TRIM33: variants seen among roughly 807,000 people sequenced by gnomAD.
TRIM33 encodes the protein tripartite motif containing 33.
A neutral mutation model predicts 125.4 loss-of-function variants in TRIM33; 20 were observed. The observed-to-expected ratio is 0.16, with a 90% CI of 0.11 to 0.23. The LOEUF (loss-of-function observed/expected upper bound fraction) is 0.23, where lower values mean the gene tolerates loss of function less well. TRIM33 is among the 10% of genes least tolerant of loss of function. The pLI is 1.00. For synonymous variants in TRIM33, 564 were observed against 513.9 expected (o/e 1.10, Z -1.32); for missense variants, 920 against 1,411.4 (o/e 0.65, Z 5.58).
chr1:114,436,288 G>A (rs1572053171), intron 4 of TRIM33, among the ~76,000 whole-genome samples: 1 of 150,180 alleles, frequency 6.7e-6, no homozygotes, highest in African/African-American at 2.5e-5. Flanking sequence ...TGTAGTCCCA[G>A]CTAGTTGAGA....
intron 1 of TRIM33, among the ~76,000 whole-genome samples, chr1:114,475,900 G>A (rs953863497): frequency 1.3e-5 from 2 of 152,016 alleles, no homozygotes; most frequent in Admixed American, 1.3e-4. Context: ...CTACATGCAA[G>A]GCTGAGGCAG....
chr1:114,501,687 C>A (rs1652729205), intron 1 of TRIM33, among the ~76,000 whole-genome samples: 1 of 152,144 alleles, frequency 6.6e-6, no homozygotes, highest in African/African-American at 2.4e-5. Flanking sequence ...AAATCTTCAA[C>A]CTACATCATC....
Position 114,488,349 on chromosome 1 carries a change from A to T in TRIM33, c.526+22202T>A, listed in dbSNP as rs555059391. ...ACCTTAAATATACCTACATACCTTA[A>T]ATACTCCTAAACACATGAACTAAAT... is the stretch of plus-strand genomic sequence containing the variant. On this transcript the variant is annotated intron_variant, in intron 1 of 19. Transcript: ENST00000358465. 2.6e-5 allele frequency among the ~76,000 whole-genome samples: 4 copies of T among 152,302 alleles called. No individual in the cohort carries two copies. The East Asian group carries it at 7.7e-4, about 29-fold the overall frequency.
rs577669414 is a variant in TRIM33 at position 114,472,919 on chromosome 1, CT to C, written c.527-8532del. Among the ~76,000 whole-genome samples, 3 of 151,730 alleles carry C rather than the reference CT, an allele frequency of 2.0e-5. No homozygotes were observed. The East Asian group carries it at 5.8e-4, about 29-fold the overall frequency. Reference sequence around the variant, plus strand: ...TGGGAACAATATGATTAACAATGAGCTGAGCAGAAACAAAAAAAAAAATTCA... The same window carrying C: ...TGGGAACAATATGATTAACAATGAGCGAGCAGAAACAAAAAAAAAAATTCA... On this transcript the variant is annotated intron_variant, in intron 1 of 19. Coordinates refer to ENST00000358465, the MANE Select transcript of TRIM33 (RefSeq NM_015906.4).
At chr1:114,434,981 G>A (rs2101204874) in intron 4 of TRIM33, among the ~76,000 whole-genome samples, 1 of 152,166 alleles carries the variant, frequency 6.6e-6, no homozygotes, top group African/African-American at 2.4e-5. Flanking sequence ...ACTTCAATAT[G>A]GCCAAAGAAA....
chr1:114,400,486 A>G (rs1158705746), intron 17 of TRIM33, among the ~76,000 whole-genome samples: 1 of 152,232 alleles, frequency 6.6e-6, no homozygotes, highest in African/African-American at 2.4e-5. Flanking sequence ...TACAGGCATG[A>G]GCCACCATGC....
Position 114,392,960 on chromosome 1 carries a change from T to G in TRIM33, c.*4688A>C, listed in dbSNP as rs1651358602. The G allele has an allele frequency of 5.0e-6, 1 of 200,858 alleles. No individual in the cohort carries two copies. The highest frequency in any genetic ancestry group is 1.0e-5 in the Non-Finnish European group (1 of 97,374). The allele number at this position is 200,858 out of a possible 1,614,324, so 12.4% of individuals were successfully genotyped here. A position where few individuals can be genotyped will look rare whatever the true frequency, so the allele number is the denominator to read the frequency against. On this transcript the variant is annotated 3_prime_UTR_variant, in exon 20 of 20. Transcript: ENST00000358465. ...CATGAAAAGAAAAAACTTGCTTTTA[T>G]TACACACCAGCAAAAACACAGGAAC...
At chr1:114,403,458 C>T (rs1298811090) in intron 15 of TRIM33, among the ~76,000 whole-genome samples, 1 of 152,130 alleles carries the variant, frequency 6.6e-6, no homozygotes, top group African/African-American at 2.4e-5. Flanking sequence ...GCAACCTCCG[C>T]CTCTCGGGTT....
chr1:114,440,760 A>G (rs1648603397), intron 4 of TRIM33, among the ~76,000 whole-genome samples: 1 of 152,136 alleles, frequency 6.6e-6, no homozygotes, highest in Admixed American at 6.5e-5. Flanking sequence ...AATGTAAAAA[A>G]AGGGGGGGAA....
chr1:114,491,713 A>C (rs1652078599), intron 1 of TRIM33, among the ~76,000 whole-genome samples: 1 of 152,190 alleles, frequency 6.6e-6, no homozygotes, highest in Non-Finnish European at 1.5e-5. Context: ...CTGAGGTGAA[A>C]GGATCACTTG....
chr1:114,475,917 T>C (rs1304500748), intron 1 of TRIM33, among the ~76,000 whole-genome samples: 1 of 151,834 alleles, frequency 6.6e-6, no homozygotes, highest in Non-Finnish European at 1.5e-5. Flanking sequence ...GCAGGATTGC[T>C]TGAGCCCGGG....
intron 4 of TRIM33, among the ~76,000 whole-genome samples, chr1:114,445,218 A>T (rs921446766): frequency 2.6e-5 from 4 of 152,166 alleles, no homozygotes; most frequent in Non-Finnish European, 5.9e-5. Context: ...CGTGTAACTG[A>T]AGTCCTAGGA....
In TRIM33 at chr1:114,510,718, G is replaced by A; in HGVS notation, c.359C>T (p.Ser120Leu). ...ACACACGGCGCAGGTGTCCAGGAGC[G>A]AGGCTGGCGGTCCAGGAGGCGGCCC... ...SAGPPPGPPA[S>L]LLDTCAVCQQ... The change falls in exon 1 of 20, where the codon TCG becomes TTG. Residue 120 changes from serine (S) to leucine (L), a missense_variant. By Grantham distance (145) the Ser-to-Leu change is moderately radical. Transcript: ENST00000358465. The A allele has an allele frequency of 6.5e-7, 1 of 1,536,200 alleles. No individual in the cohort carries two copies. The highest frequency in any genetic ancestry group is 8.7e-7 in the Non-Finnish European group (1 of 1,146,456).
intron 4 of TRIM33, among the ~76,000 whole-genome samples, chr1:114,444,864 T>C (rs2101264902): frequency 6.6e-6 from 1 of 152,228 alleles, no homozygotes; most frequent in Non-Finnish European, 1.5e-5. Context: ...ACCAAGATGA[T>C]CTAGATGCTG....
At position 114,510,889 on chromosome 1, in the gene TRIM33, T is replaced by C; in HGVS notation, c.188A>G (p.Asp63Gly). The C allele has an allele frequency of 6.9e-7, 1 of 1,442,164 alleles. No homozygotes were observed. Among genetic ancestry groups the C allele is most frequent in the Non-Finnish European group, 9.0e-7 (1 of 1,105,026 alleles). 89.3% of individuals were successfully genotyped at this position (1,442,164 alleles called of 1,614,324 possible). The change falls in exon 1 of 20, where the codon GAC (aspartate) becomes GGC (glycine). Residue 63 changes from aspartate to glycine, a missense_variant. By Grantham distance (94) the Asp-to-Gly change is moderately conservative. Coordinates refer to ENST00000358465, the MANE Select transcript of TRIM33 (RefSeq NM_015906.4). ...GGAGGCCGCGGCCACCCCCCCGTCG[T>C]CGGGCCCGGCCGCGCCGCCCTCAGC... is the stretch of plus-strand genomic sequence containing the variant. ...AGAEGGAAGPDDGGVAAASSG... is the reference protein window; with the variant it reads ...AGAEGGAAGPGDGGVAAASSG...
At chr1:114,480,290 TAAGAG>T (rs1055870119) in intron 1 of TRIM33, among the ~76,000 whole-genome samples, 3 of 151,980 alleles carry the variant, frequency 2.0e-5, no homozygotes, top group African/African-American at 7.3e-5. Context: ...GTATGCTCCT[TAAGAG>T]TCATCACCAC....
intron 11 of TRIM33, chr1:114,420,518 T>A (rs1026062762): frequency 1.2e-6 from 1 of 804,994 alleles, no homozygotes; most frequent in Non-Finnish European, 1.9e-6. Flanking sequence ...ACCATTATTG[T>A]ACTTCTGTTT....
chr1:114,432,478 T>C (rs1572048200), intron 5 of TRIM33, among the ~76,000 whole-genome samples: 1 of 152,134 alleles, frequency 6.6e-6, no homozygotes, highest in African/African-American at 2.4e-5. Flanking sequence ...TTATTTTCTT[T>C]TGGTGTTACT....
At chr1:114,477,339 C>G (rs1012470331) in intron 1 of TRIM33, among the ~76,000 whole-genome samples, 1 of 150,804 alleles carries the variant, frequency 6.6e-6, no homozygotes, top group Non-Finnish European at 1.5e-5. Flanking sequence ...GCTAGCAAAA[C>G]CTTAAAGGAA....
Sources: gnomAD v4.1 joint callset for allele counts (sites outside exome capture counted in the v4.1 genomes callset) on GRCh38, gnomAD v4.1.1 for gene constraint, MANE v1.5 for transcripts, NCBI Gene and HGNC (gene_info 2026-07-23, HGNC 2026-07-21) for gene names.